Variants in FRMPD1 observed in about 807,000 individuals in gnomAD.
FRMPD1 encodes FERM and PDZ domain-containing protein 1.
A neutral mutation model predicts 117.8 loss-of-function variants in FRMPD1; 76 were observed. The ratio of observed to expected loss-of-function variants is 0.65; its 90% CI spans 0.54 to 0.78. The LOEUF (loss-of-function observed/expected upper bound fraction) is 0.78. Among genes scored for constraint, FRMPD1 ranks in the 30% least tolerant of loss-of-function variants. The probability of loss-of-function intolerance (pLI) is 0.00; values close to 1 mark genes in which losing one functional copy is unlikely to be tolerated. For missense variants in FRMPD1, 1,786 were observed against 1,964.5 expected (o/e 0.91, Z 1.72); for synonymous variants, 783 against 770.4 (o/e 1.02, Z -0.27).
the FRMPD1 span, among the ~76,000 whole-genome samples, chr9:37,626,940 C>A: frequency 2.0e-5 from 3 of 152,152 alleles, no homozygotes; most frequent in Non-Finnish European, 4.4e-5. Context: ...GTTTAGAGTA[C>A]ACCTGCTTTG....
chr9:37,685,575 CCA>C (rs1464723218), intron 1 of FRMPD1, among the ~76,000 whole-genome samples: 2 of 152,148 alleles, frequency 1.3e-5, no homozygotes, highest in Non-Finnish European at 2.9e-5. Context: ...TGGCGTGAAC[CCA>C]TGAGGCGGAG....
chr9:37,650,364 G>A (rs911948763), upstream of FRMPD1, among the ~76,000 whole-genome samples: 2 of 152,186 alleles, frequency 1.3e-5, no homozygotes, highest in African/African-American at 4.8e-5. Context: ...CAAGGAGACC[G>A]AGGGAGTGGC....
chr9:37,705,960 AAAATAAATAAAT>A (rs59737991), intron 2 of FRMPD1, among the ~76,000 whole-genome samples: 20,904 of 139,032 alleles, frequency 0.15, 1,679 homozygotes, highest in Middle Eastern at 0.2. Context: ...ACCCTCCCTC[AAAATAAATAAAT>A]AAATAAATAA....
chr9:37,630,573 G>A, the FRMPD1 span, among the ~76,000 whole-genome samples: 1 of 152,026 alleles, frequency 6.6e-6, no homozygotes, highest in Non-Finnish European at 1.5e-5. Flanking sequence ...TAGAGACGGA[G>A]TTTCACCATG....
At chr9:37,721,807 A>G (rs1823410527) in intron 6 of FRMPD1, among the ~76,000 whole-genome samples, 1 of 152,248 alleles carries the variant, frequency 6.6e-6, no homozygotes, top group South Asian at 2.1e-4. Context: ...AGAATATTAT[A>G]AATCCATTAA....
chr9:37,708,561 G>T, intron 4 of FRMPD1, 60 bp downstream of exon 4: 1 of 1,027,210 alleles, frequency 9.7e-7, no homozygotes. Context: ...ACAAAGATGG[G>T]CAACAGGAAT....
At chr9:37,682,138 G>A (rs1821750988) in intron 1 of FRMPD1, among the ~76,000 whole-genome samples, 1 of 152,226 alleles carries the variant, frequency 6.6e-6, no homozygotes, top group Non-Finnish European at 1.5e-5. Flanking sequence ...AGGCAGAGAA[G>A]CTTTGGAACA....
At chr9:37,608,751 G>A in the FRMPD1 span, among the ~76,000 whole-genome samples, 15 of 152,178 alleles carry the variant, frequency 9.9e-5, no homozygotes, top group Non-Finnish European at 2.1e-4. Flanking sequence ...AAAATACTAA[G>A]AGTATTTAAA....
intron 1 of FRMPD1, among the ~76,000 whole-genome samples, chr9:37,685,492 A>T (rs1183081919): frequency 6.6e-6 from 1 of 152,018 alleles, no homozygotes; most frequent in Non-Finnish European, 1.5e-5. Context: ...AAATACAAAA[A>T]AAAAAAAAAT....
chr9:37,642,624 A>G, the FRMPD1 span, among the ~76,000 whole-genome samples: 17,789 of 152,230 alleles, frequency 0.12, 1,119 homozygotes, highest in East Asian at 0.18. Flanking sequence ...TGTGGGATCC[A>G]TAATTCCAGA....
chr9:37,631,217 A>G, the FRMPD1 span, among the ~76,000 whole-genome samples: 1 of 152,242 alleles, frequency 6.6e-6, no homozygotes, highest in East Asian at 1.9e-4. Flanking sequence ...CAAGAAAATT[A>G]AAAACAAAAT....
At chr9:37,651,575 T>C (rs2119353571) in intron 1 of FRMPD1, among the ~76,000 whole-genome samples, 1 of 152,340 alleles carries the variant, frequency 6.6e-6, no homozygotes, top group Admixed American at 6.5e-5. Context: ...CCAGAACTCA[T>C]TGCGTGTGGA....
chr9:37,690,718 T>G (rs569966997), intron 1 of FRMPD1, among the ~76,000 whole-genome samples: 1 of 152,216 alleles, frequency 6.6e-6, no homozygotes, highest in Non-Finnish European at 1.5e-5. Flanking sequence ...CTTAGTCTGT[T>G]TTGTGTTGCT....
At chr9:37,699,092 G>A (rs372144503) in intron 2 of FRMPD1, among the ~76,000 whole-genome samples, 8 of 151,900 alleles carry the variant, frequency 5.3e-5, no homozygotes, top group South Asian at 4.2e-4. Context: ...GGCTGGTCTC[G>A]AACTCCTGAC....
At position 37,724,444 on chromosome 9, in the gene FRMPD1, A is replaced by G. The variant is rs369661631; in HGVS notation, c.612+124A>G. 5 of 560,626 alleles carry G rather than the reference A, an allele frequency of 8.9e-6. No individual in the cohort carries two copies. The East Asian group carries it at 1.1e-4, about 13-fold the overall frequency. The allele number at this position is 560,626 out of a possible 1,614,324, so 34.7% of individuals were successfully genotyped here. A position where few individuals can be genotyped will look rare whatever the true frequency, so the allele number is the denominator to read the frequency against. On this transcript the variant is annotated intron_variant, in intron 7 of 15. Coordinates refer to ENST00000377765, the MANE Select transcript of FRMPD1 (RefSeq NM_014907.3). ...AAACACCGTGGTCTGAGCCCCTGTA[A>G]TAATAAGCCAGGTGCCATGTTATCT...
the FRMPD1 span, among the ~76,000 whole-genome samples, chr9:37,619,968 C>T: frequency 1.3e-5 from 2 of 151,838 alleles, no homozygotes; most frequent in African/African-American, 4.8e-5. Flanking sequence ...TATCCTCCCC[C>T]ACATCCTGGA....
At chr9:37,709,401 T>C (rs1294640894) in intron 4 of FRMPD1, among the ~76,000 whole-genome samples, 1 of 151,410 alleles carries the variant, frequency 6.6e-6, no homozygotes, top group Admixed American at 6.6e-5. Flanking sequence ...TTGCCTAGGC[T>C]GGTCTCAAAC....
intron 1 of FRMPD1, among the ~76,000 whole-genome samples, chr9:37,690,269 C>G (rs1439974992): frequency 6.6e-6 from 1 of 151,750 alleles, no homozygotes; most frequent in African/African-American, 2.4e-5. Context: ...ATTTTTTATT[C>G]TAGCTGCCTT....
At position 37,695,829 on chromosome 9, in the gene FRMPD1, T is replaced by C. The variant is rs537488644; in HGVS notation, c.101+3087T>C. Among the ~76,000 whole-genome samples, 3 of 152,282 alleles carry C rather than the reference T, an allele frequency of 2.0e-5. No homozygotes were observed. The South Asian group carries it at 6.2e-4, about 32-fold the overall frequency. On this transcript the variant is annotated intron_variant, in intron 2 of 15. Transcript: ENST00000377765. ...AAGGATCACTCACTTGCTTTTTCCC[T>C]GTTGCAGCAGATTCTCTACTCTGCA...
Sources: gnomAD v4.1 joint callset for allele counts (sites outside exome capture counted in the v4.1 genomes callset) on GRCh38, gnomAD v4.1.1 for gene constraint, MANE v1.5 for transcripts, NCBI Gene and HGNC (gene_info 2026-07-23, HGNC 2026-07-21) for gene names.